Variants in LAMB4 observed in about 807,000 individuals in gnomAD.
The protein encoded by LAMB4 is laminin subunit beta-4.
LAMB4 carries 196 observed loss-of-function variants against 199.2 expected under a neutral mutation model. The observed-to-expected ratio is 0.98, with a 90% CI of 0.88 to 1.11. The LOEUF is 1.11. Among genes scored for constraint, LAMB4 ranks in the 50% least tolerant of loss-of-function variants. The probability of loss-of-function intolerance (pLI) is 0.00; values close to 1 mark genes in which losing one functional copy is unlikely to be tolerated. For missense variants in LAMB4, 2,080 were observed against 2,171.2 expected, an observed-to-expected ratio of 0.96 and a Z score of 0.83; for synonymous variants, 744 against 770.6, an observed-to-expected ratio of 0.97 and a Z score of 0.57.
intron 24 of LAMB4, among the ~76,000 whole-genome samples, chr7:108,057,241 T>A (rs1207574412): frequency 1.3e-5 from 2 of 152,194 alleles, no homozygotes; most frequent in East Asian, 3.8e-4. Flanking sequence ...TGAAAGCATT[T>A]TTATGAAATA....
chr7:108,026,960 C>G (rs1001367484), intron 33 of LAMB4: 4 of 506,798 alleles, frequency 7.9e-6, no homozygotes, highest in African/African-American at 7.8e-5. Flanking sequence ...TTATTTTAGA[C>G]CTCCCTGAGA....
At chr7:108,092,043 A>G (rs1195167087) in intron 13 of LAMB4, among the ~76,000 whole-genome samples, 1 of 152,146 alleles carries the variant, frequency 6.6e-6, no homozygotes, top group Non-Finnish European at 1.5e-5. Flanking sequence ...AATCTGGCAA[A>G]AAGGGGGCTT....
Position 108,069,880 on chromosome 7 carries a change from G to A in LAMB4, c.2130C>T (p.Gly710=). 1.2e-6 allele frequency: 2 copies of A among 1,607,626 alleles called. No individual in the cohort carries two copies. Among genetic ancestry groups the A allele is most frequent in the Non-Finnish European group, 1.7e-6 (2 of 1,175,004 alleles). ...CCAATGAATTGATTTGGGGAATAAG[G>A]CCAAGCTTTTGAAAGAATGCAAAAA... ...AHSHVLVDSL[G]LIPQINSLEN... Residue 710 remains glycine (G), a synonymous_variant, in exon 18 of 34, where the codon GGC becomes GGT. Transcript: ENST00000388781.
At chr7:108,068,279 C>A in intron 18 of LAMB4, 120 bp from the exon 19 acceptor site, 2 of 940,092 alleles carry the variant, frequency 2.1e-6, no homozygotes, top group Non-Finnish European at 3.2e-6. Flanking sequence ...TCAACTCCCT[C>A]ATCTGTTAAA....
intron 17 of LAMB4, 92 bp downstream of exon 17, chr7:108,076,852 T>C: frequency 7.0e-7 from 1 of 1,420,708 alleles, no homozygotes; most frequent in South Asian, 1.3e-5. Context: ...TACGTTTACA[T>C]TTTTAAAGAA....
chr7:108,014,471 TC>T, the LAMB4 span, among the ~76,000 whole-genome samples: 1 of 152,226 alleles, frequency 6.6e-6, no homozygotes, highest in Non-Finnish European at 1.5e-5. Context: ...TGTTTTTTTT[TC>T]CTTACAGAGA....
At chr7:108,094,333 G>A (rs556337078) in intron 12 of LAMB4, among the ~76,000 whole-genome samples, 7 of 152,196 alleles carry the variant, frequency 4.6e-5, no homozygotes, top group Non-Finnish European at 8.8e-5. Context: ...GGAGGTTGGC[G>A]TGGCTGACCT....
At chr7:108,106,078 G>A in intron 7 of LAMB4, 47 bp from the exon 8 acceptor site, 1 of 1,396,250 alleles carries the variant, frequency 7.2e-7, no homozygotes, top group Non-Finnish European at 1.0e-6. Context: ...AGGTGCATCA[G>A]TTCAAGGGAC....
At chr7:108,069,982 C>A in intron 17 of LAMB4, 97 bp from the exon 18 acceptor site, 1 of 910,112 alleles carries the variant, frequency 1.1e-6, no homozygotes. Context: ...AATAATGGTT[C>A]AAAGAAGACT....
chr7:108,127,109 T>C (rs1424499370), intron 1 of LAMB4, among the ~76,000 whole-genome samples: 2 of 151,924 alleles, frequency 1.3e-5, no homozygotes, highest in African/African-American at 4.8e-5. Flanking sequence ...TGCTCCTGGA[T>C]TCCCTTCTAA....
At chr7:108,019,498 T>G (rs73422877), downstream of LAMB4, among the ~76,000 whole-genome samples, 2,892 of 152,134 alleles carry the variant, frequency 0.019, 92 homozygotes, top group African/African-American at 0.066. Context: ...CACAGGTTCT[T>G]GAGATTAGGA....
At chr7:108,064,685 T>C (rs1364908741) in intron 21 of LAMB4, among the ~76,000 whole-genome samples, 2 of 152,050 alleles carry the variant, frequency 1.3e-5, no homozygotes, top group Admixed American at 6.6e-5. Flanking sequence ...AAACCATGCA[T>C]TGGGAAAGAG....
intron 17 of LAMB4, among the ~76,000 whole-genome samples, chr7:108,070,179 G>A (rs1214756645): frequency 1.3e-5 from 2 of 152,164 alleles, no homozygotes; most frequent in African/African-American, 2.4e-5. Context: ...CATCAAGTTG[G>A]TCATTTTGAA....
intron 17 of LAMB4, chr7:108,075,437 T>C (rs1461157827): frequency 2.0e-5 from 3 of 152,298 alleles, no homozygotes; most frequent in South Asian, 2.1e-4. Context: ...ATAGATGATA[T>C]ATAAACAAAT....
Position 108,065,791 on chromosome 7 carries a change from A to C in LAMB4, c.2807T>G (p.Val936Gly). 1 of 1,614,166 alleles carries C rather than the reference A, an allele frequency of 6.2e-7. No homozygotes were observed. Among genetic ancestry groups the C allele is most frequent in the Non-Finnish European group, 8.5e-7 (1 of 1,179,972 alleles). Reference sequence around the variant, plus strand: ...ATAACCTTGAAGACAATTGCAGATTACATCTGAGCTCCACAGATTCTGATA... The same window carrying C: ...ATAACCTTGAAGACAATTGCAGATTCCATCTGAGCTCCACAGATTCTGATA... The part of the protein sequence containing the change: ...SCYQNLWSSD[V>G]ICNCLQGYTG... Residue 936 changes from valine (V) to glycine (G), a missense_variant, in exon 21 of 34, where the codon GTA becomes GGA. Coordinates refer to ENST00000388781, the MANE Select transcript of LAMB4 (RefSeq NM_007356.3).
chr7:108,020,954 A>G (rs754560672), downstream of LAMB4, among the ~76,000 whole-genome samples: 34 of 152,310 alleles, frequency 2.2e-4, no homozygotes, highest in Admixed American at 5.9e-4. Context: ...CTGCTGGTTC[A>G]CAGTGGCAAC....
chr7:108,027,057 T>C lies in LAMB4; in HGVS notation c.5146+1986A>G, dbSNP rs77275429. On this transcript the variant is annotated intron_variant, in intron 33 of 33. Transcript: ENST00000388781. The stretch of plus-strand genomic sequence containing the variant: ...TGGGGATCAGTGGAAACAATGTGTG[T>C]ATGACATAAACAATATGACATAAAA... 2.8e-3 allele frequency: 1,021 copies of C among 358,798 alleles called. 4 individuals are homozygous for C. The highest frequency in any genetic ancestry group is 4.3e-3 in the Non-Finnish European group (803 of 184,868). The allele number at this position is 358,798 out of a possible 1,614,324, so 22.2% of individuals were successfully genotyped here. A position where few individuals can be genotyped will look rare whatever the true frequency, so the allele number is the denominator to read the frequency against.
At position 108,103,238 on chromosome 7, in the gene LAMB4, A is replaced by G. The variant is rs1417633938; in HGVS notation, c.992-6T>C. 7 of 1,541,820 alleles carry G rather than the reference A, an allele frequency of 4.5e-6. No homozygotes were observed. Among genetic ancestry groups the G allele is most frequent in the Admixed American group, 2.0e-5 (1 of 50,914 alleles). Reference sequence around the variant, plus strand: ...GTGGCTATTACAGCTGCACGCTGAAAGGAGAAGACAGTGACTGAGAGGTAG... The same window carrying G: ...GTGGCTATTACAGCTGCACGCTGAAGGGAGAAGACAGTGACTGAGAGGTAG... On this transcript the variant is annotated splice_polypyrimidine_tract_variant and splice_region_variant and intron_variant, in intron 9 of 33. Coordinates refer to ENST00000388781, the MANE Select transcript of LAMB4 (RefSeq NM_007356.3).
At chr7:108,016,536 G>T in the LAMB4 span, among the ~76,000 whole-genome samples, 1 of 152,202 alleles carries the variant, frequency 6.6e-6, no homozygotes, top group South Asian at 2.1e-4. Flanking sequence ...CGCCTGCTGC[G>T]GCCTCCCAAA....
Sources: gnomAD v4.1 joint callset for allele counts (sites outside exome capture counted in the v4.1 genomes callset) on GRCh38, gnomAD v4.1.1 for gene constraint, MANE v1.5 for transcripts, NCBI Gene and HGNC (gene_info 2026-07-23, HGNC 2026-07-21) for gene names.